The following PTPRT variants were observed in gnomAD, a reference collection of about 807,000 sequenced individuals.
PTPRT encodes protein tyrosine phosphatase receptor type T.
PTPRT carries 56 observed loss-of-function variants against 176.8 expected under a neutral mutation model. That is an observed-to-expected ratio of 0.32 (90% confidence interval 0.26 to 0.40). PTPRT has a LOEUF of 0.40. Among genes scored for constraint, PTPRT ranks in the 10% least tolerant of loss-of-function variants. The pLI is 1.00. For synonymous variants in PTPRT, 783 were observed against 739.0 expected (o/e 1.06, Z -0.96); for missense variants, 1,540 against 1,908.2 (o/e 0.81, Z 3.60).
chr20:42,826,148 G>A (rs1004175902), intron 2 of PTPRT, among the ~76,000 whole-genome samples: 1 of 151,988 alleles, frequency 6.6e-6, no homozygotes, highest in African/African-American at 2.4e-5. Context: ...TAAGTCACCA[G>A]GCAAAACCAC....
intron 9 of PTPRT, among the ~76,000 whole-genome samples, chr20:42,362,597 G>A (rs1000932853): frequency 1.3e-5 from 2 of 152,126 alleles, no homozygotes; most frequent in Non-Finnish European, 2.9e-5. Flanking sequence ...ACTGGAAAAC[G>A]ACATTAGTGG....
At chr20:42,922,572 G>T in intron 1 of PTPRT, among the ~76,000 whole-genome samples, 1 of 152,216 alleles carries the variant, frequency 6.6e-6, no homozygotes, top group East Asian at 1.9e-4. Flanking sequence ...CCCTTGCTTG[G>T]TGCCTCAGCA....
intron 9 of PTPRT, among the ~76,000 whole-genome samples, chr20:42,405,141 T>C (rs2058948220): frequency 6.6e-6 from 1 of 151,270 alleles, no homozygotes; most frequent in Non-Finnish European, 1.5e-5. Context: ...TAAAAAGAAA[T>C]CATCATACAT....
intron 18 of PTPRT, among the ~76,000 whole-genome samples, chr20:42,133,113 A>G (rs553048294): frequency 6.6e-6 from 1 of 152,220 alleles, no homozygotes; most frequent in African/African-American, 2.4e-5. Context: ...ATTCCCTGAC[A>G]TATTCTACAC....
At chr20:42,555,213 G>C (rs2072839172) in intron 7 of PTPRT, among the ~76,000 whole-genome samples, 1 of 152,178 alleles carries the variant, frequency 6.6e-6, no homozygotes, top group African/African-American at 2.4e-5. Context: ...TTAATGCTCA[G>C]AGAGGCACTT....
intron 9 of PTPRT, among the ~76,000 whole-genome samples, chr20:42,415,367 T>TTTGC (rs1395376162): frequency 1.1e-3 from 159 of 148,664 alleles, no homozygotes; most frequent in Non-Finnish European, 1.5e-3. Flanking sequence ...GTCTTTTTTG[T>TTTGC]TTGTTTGTTT....
chr20:43,126,419 T>C (rs942222525), intron 1 of PTPRT, among the ~76,000 whole-genome samples: 1 of 152,068 alleles, frequency 6.6e-6, no homozygotes, highest in Non-Finnish European at 1.5e-5. Context: ...GTAGGACCTG[T>C]CCAAATAAGA....
chr20:42,837,279 C>T (rs1408296188), intron 2 of PTPRT, among the ~76,000 whole-genome samples: 1 of 152,232 alleles, frequency 6.6e-6, no homozygotes. Flanking sequence ...CTTGCTGCCT[C>T]AGACAACCCA....
At chr20:42,657,699 A>G (rs1379328364) in intron 7 of PTPRT, among the ~76,000 whole-genome samples, 1 of 152,200 alleles carries the variant, frequency 6.6e-6, no homozygotes, top group Non-Finnish European at 1.5e-5. Context: ...AATAATGCAG[A>G]ATAATTCTTG....
intron 7 of PTPRT, chr20:42,606,558 G>A (rs6102937): frequency 0.13 from 19,666 of 152,128 alleles, 1,337 homozygotes; most frequent in South Asian, 0.15. Flanking sequence ...CTGCACATAC[G>A]ACAGAGAAAT....
chr20:42,788,316 G>C (rs1178102724), intron 3 of PTPRT, among the ~76,000 whole-genome samples: 5 of 152,104 alleles, frequency 3.3e-5, no homozygotes, highest in Non-Finnish European at 7.3e-5. Flanking sequence ...CAAAATGACT[G>C]ACAAGCAGAT....
intron 9 of PTPRT, among the ~76,000 whole-genome samples, chr20:42,366,279 G>A (rs1029472735): frequency 1.3e-5 from 2 of 152,224 alleles, no homozygotes; most frequent in African/African-American, 4.8e-5. Context: ...GCAGATGGGT[G>A]GTGCCCAGGC....
At chr20:42,356,038 T>C (rs371582029) in intron 9 of PTPRT, among the ~76,000 whole-genome samples, 1 of 152,178 alleles carries the variant, frequency 6.6e-6, no homozygotes, top group East Asian at 1.9e-4. Flanking sequence ...CTTCACCAAA[T>C]CTAATTCCCA....
At chr20:42,282,659 C>A in intron 12 of PTPRT, 134 bp from the exon 13 acceptor site, 1 of 726,186 alleles carries the variant, frequency 1.4e-6, no homozygotes, top group Non-Finnish European at 2.1e-6. Context: ...TTAAATTTGC[C>A]CTTTCCATTT....
chr20:42,190,009 C>T (rs928637279), intron 16 of PTPRT, among the ~76,000 whole-genome samples: 1 of 152,152 alleles, frequency 6.6e-6, no homozygotes, highest in African/African-American at 2.4e-5. Flanking sequence ...TTCCATTCAA[C>T]TTTGGGTTGC....
chr20:43,137,650 C>A (rs2013874906), intron 1 of PTPRT, among the ~76,000 whole-genome samples: 1 of 152,186 alleles, frequency 6.6e-6, no homozygotes, highest in Non-Finnish European at 1.5e-5. Flanking sequence ...CGGCACCAAC[C>A]ATTTCCCTGA....
At chr20:43,188,884 C>T (rs1176781550) in intron 1 of PTPRT, among the ~76,000 whole-genome samples, 4 of 151,970 alleles carry the variant, frequency 2.6e-5, no homozygotes, top group Admixed American at 2.0e-4. Flanking sequence ...CCCGCCCCCG[C>T]TCCCCCTACT....
intron 11 of PTPRT, among the ~76,000 whole-genome samples, chr20:42,343,619 C>A (rs369121880): frequency 6.6e-6 from 1 of 152,204 alleles, no homozygotes; most frequent in East Asian, 1.9e-4. Context: ...GTGCTCATAT[C>A]TGACCAAGTT....
At chr20:42,478,013 C>A (rs1269126721) in intron 7 of PTPRT, among the ~76,000 whole-genome samples, 4 of 151,962 alleles carry the variant, frequency 2.6e-5, no homozygotes, top group Non-Finnish European at 1.5e-5. Flanking sequence ...ACATTTATGA[C>A]CCCCTAGAAT....
Sources: allele counts gnomAD v4.1 joint callset (sites outside exome capture counted in the v4.1 genomes callset), GRCh38; gene constraint gnomAD v4.1.1; transcripts MANE v1.5; gene names NCBI Gene and HGNC (gene_info 2026-07-23, HGNC 2026-07-21).